PARM1: variants seen among roughly 807,000 people sequenced by gnomAD.
The protein encoded by PARM1 is WSC4, cell wall integrity and stress response component 4 homolog.
In PARM1, 14 loss-of-function variants were observed where a neutral mutation model predicts 24.6. The ratio of observed to expected loss-of-function variants is 0.57; its 90% CI spans 0.38 to 0.89. PARM1 has a LOEUF of 0.89. Among genes scored for constraint, PARM1 ranks in the 40% least tolerant of loss-of-function variants. The pLI, the probability that PARM1 is intolerant of heterozygous loss-of-function variation, is 0.00. For synonymous variants in PARM1, 179 were observed against 156.6 expected, an observed-to-expected ratio of 1.14 and a Z score of -1.07; for missense variants, 362 against 380.4, an observed-to-expected ratio of 0.95 and a Z score of 0.40.
rs371946370 is a variant in PARM1 at position 74,935,111 on chromosome 4, C to G, written c.43+1741C>G. 2.6e-5 allele frequency among the ~76,000 whole-genome samples: 4 copies of G among 152,036 alleles called. No individual in the cohort carries two copies. The East Asian group carries it at 7.8e-4, about 30-fold the overall frequency. On this transcript the variant is annotated intron_variant, in intron 1 of 3. Coordinates refer to ENST00000307428, the MANE Select transcript of PARM1 (RefSeq NM_015393.4). ...GCGAGGAGACTGGTGGGCCAGGGAC[C>G]GGCTGAGCACCACTCCTACCCCCAC... is the stretch of plus-strand genomic sequence containing the variant.
At chr4:74,972,707 G>A (rs201620414) in intron 1 of PARM1, among the ~76,000 whole-genome samples, 1 of 93,260 alleles carries the variant, frequency 1.1e-5, no homozygotes, top group Non-Finnish European at 2.0e-5. Context: ...TTCTTTTTCC[G>A]ATCAGCAGAA....
intron 1 of PARM1, among the ~76,000 whole-genome samples, chr4:74,953,314 C>A (rs1721566158): frequency 6.6e-6 from 1 of 152,144 alleles, no homozygotes; most frequent in South Asian, 2.1e-4. Context: ...AATGAGAGAT[C>A]TGCTGTATAA....
intron 1 of PARM1, among the ~76,000 whole-genome samples, chr4:74,960,922 G>A (rs575569713): frequency 4.6e-5 from 7 of 151,268 alleles, no homozygotes; most frequent in East Asian, 1.9e-4. Flanking sequence ...GGAGAATGGC[G>A]TGAACCCGGG....
intron 1 of PARM1, among the ~76,000 whole-genome samples, chr4:74,975,421 G>A (rs975065111): frequency 2.0e-5 from 3 of 152,332 alleles, no homozygotes; most frequent in South Asian, 2.1e-4. Flanking sequence ...AATTGACTTT[G>A]TGTGAGTTTT....
chr4:74,998,484 A>G (rs1722617544), intron 1 of PARM1, among the ~76,000 whole-genome samples: 2 of 152,230 alleles, frequency 1.3e-5, no homozygotes, highest in Admixed American at 1.3e-4. Flanking sequence ...TCAAACATCC[A>G]GTTTCCCTTG....
At chr4:75,012,118 C>A (rs1722881585) in intron 1 of PARM1, among the ~76,000 whole-genome samples, 1 of 152,192 alleles carries the variant, frequency 6.6e-6, no homozygotes. Context: ...GGGTCTTACT[C>A]TCTAAGGACA....
rs1162357295 is a variant in PARM1, at chr4:75,033,879, A to T, written c.770-4A>T. On this transcript the variant is annotated splice_polypyrimidine_tract_variant and splice_region_variant and intron_variant, in intron 2 of 3. Coordinates refer to ENST00000307428, the MANE Select transcript of PARM1 (RefSeq NM_015393.4). ...TTCTTTTCTGTGCCCTTCCTCCTTC[A>T]CAGGCAGCATCGCCGCCATTACCGT... The T allele has an allele frequency of 6.3e-7, 1 of 1,593,474 alleles. No individual in the cohort carries two copies. The highest frequency in any genetic ancestry group is 8.5e-7 in the Non-Finnish European group (1 of 1,169,724).
At chr4:74,966,034 G>A (rs1471203930) in intron 1 of PARM1, among the ~76,000 whole-genome samples, 1 of 152,086 alleles carries the variant, frequency 6.6e-6, no homozygotes, top group African/African-American at 2.4e-5. Flanking sequence ...GGAATAAGTG[G>A]GTGAGGGAGC....
chr4:75,015,044 T>C (rs1441727168), intron 2 of PARM1, among the ~76,000 whole-genome samples: 1 of 152,190 alleles, frequency 6.6e-6, no homozygotes, highest in Non-Finnish European at 1.5e-5. Context: ...CACCACCACT[T>C]GTCTGTACAA....
chr4:74,987,652 A>G (rs1233920438), intron 1 of PARM1, among the ~76,000 whole-genome samples: 1 of 152,244 alleles, frequency 6.6e-6, no homozygotes. Context: ...TGAAGTTTTA[A>G]AGTTTGCCAT....
chr4:75,026,174 T>C (rs1723179760), intron 2 of PARM1, among the ~76,000 whole-genome samples: 1 of 152,230 alleles, frequency 6.6e-6, no homozygotes, highest in African/African-American at 2.4e-5. Flanking sequence ...ACATAACTAC[T>C]AATAAAGTTC....
intron 1 of PARM1, among the ~76,000 whole-genome samples, chr4:74,942,886 A>G (rs1721339153): frequency 6.6e-6 from 1 of 152,140 alleles, no homozygotes; most frequent in East Asian, 1.9e-4. Flanking sequence ...TTCTTAGAGT[A>G]AAAGCCAAAA....
intron 1 of PARM1, among the ~76,000 whole-genome samples, chr4:74,949,021 CA>C (rs555140512): frequency 2.6e-3 from 373 of 144,572 alleles, no homozygotes; most frequent in African/African-American, 9.3e-3. Flanking sequence ...GACTCTGTCT[CA>C]AAAAAAAACA....
At chr4:74,987,518 A>G (rs1385868476) in intron 1 of PARM1, among the ~76,000 whole-genome samples, 1 of 152,242 alleles carries the variant, frequency 6.6e-6, no homozygotes, top group Non-Finnish European at 1.5e-5. Flanking sequence ...ATGAAGTAAA[A>G]TTATTTGTAA....
At chr4:74,962,709 T>A (rs551590399) in intron 1 of PARM1, among the ~76,000 whole-genome samples, 1 of 152,236 alleles carries the variant, frequency 6.6e-6, no homozygotes, top group African/African-American at 2.4e-5. Flanking sequence ...CCTAAAGTAG[T>A]CAAATTCATA....
chr4:74,993,324 A>G (rs1722514124), intron 1 of PARM1, among the ~76,000 whole-genome samples: 1 of 152,108 alleles, frequency 6.6e-6, no homozygotes, highest in African/African-American at 2.4e-5. Context: ...AATTCTGCCA[A>G]CCACTGTATG....
intron 1 of PARM1, among the ~76,000 whole-genome samples, chr4:74,938,457 C>T (rs1182431567): frequency 6.6e-6 from 1 of 152,122 alleles, no homozygotes; most frequent in East Asian, 1.9e-4. Flanking sequence ...CATAAGATAT[C>T]AAATGAAGCA....
intron 1 of PARM1, among the ~76,000 whole-genome samples, chr4:74,978,201 G>C (rs778464555): frequency 6.6e-6 from 1 of 152,230 alleles, no homozygotes; most frequent in Non-Finnish European, 1.5e-5. Flanking sequence ...AGACTCATCA[G>C]TGTGCTGTAT....
intron 1 of PARM1, among the ~76,000 whole-genome samples, chr4:74,955,766 G>A (rs1407676221): frequency 1.3e-5 from 2 of 152,208 alleles, no homozygotes; most frequent in South Asian, 2.1e-4. Context: ...AGAAATGGAG[G>A]AGCAGAATGC....
Sources: gnomAD v4.1 joint callset for allele counts (sites outside exome capture counted in the v4.1 genomes callset) on GRCh38, gnomAD v4.1.1 for gene constraint, MANE v1.5 for transcripts, NCBI Gene and HGNC (gene_info 2026-07-23, HGNC 2026-07-21) for gene names.